Variants in CCDC169 observed in about 807,000 individuals in gnomAD.
CCDC169 encodes the protein coiled-coil domain containing 169.
CCDC169 carries 30 observed loss-of-function variants against 36.0 expected under a neutral mutation model. The observed-to-expected ratio is 0.83, with a 90% CI of 0.62 to 1.13. The LOEUF (loss-of-function observed/expected upper bound fraction) is 1.13, where lower values mean the gene tolerates loss of function less well. Ranked by LOEUF, CCDC169 falls within the 50% of genes most tolerant of loss-of-function variation. The pLI is 0.00. For missense variants in CCDC169, 245 were observed against 245.9 expected, an observed-to-expected ratio of 1.00 and a Z score of 0.03; for synonymous variants, 85 against 81.5, an observed-to-expected ratio of 1.04 and a Z score of -0.23.
chr13:36,227,099 G>T, downstream of CCDC169: 1 of 661,298 alleles, frequency 1.5e-6, no homozygotes, highest in Non-Finnish European at 2.3e-6. Flanking sequence ...AACCAGCAGA[G>T]TGGGTCCCAA....
chr13:36,239,688 G>A (rs1483494155), intron 7 of CCDC169, among the ~76,000 whole-genome samples: 1 of 152,104 alleles, frequency 6.6e-6, no homozygotes, highest in Non-Finnish European at 1.5e-5. Flanking sequence ...TTATGGGGGA[G>A]AAAATGGAAT....
intron 4 of CCDC169, among the ~76,000 whole-genome samples, chr13:36,263,693 G>A (rs1874885768): frequency 6.6e-6 from 1 of 152,106 alleles, no homozygotes; most frequent in South Asian, 2.1e-4. Context: ...TATTTCTCAG[G>A]TAGGTATTAT....
intron 4 of CCDC169, 69 bp from the exon 5 acceptor site, chr13:36,254,212 T>C: frequency 9.1e-7 from 1 of 1,103,834 alleles, no homozygotes; most frequent in East Asian, 2.7e-5. Flanking sequence ...GACCATCAAT[T>C]TCTTCACTAG....
chr13:36,279,613 T>C (rs1877253767), intron 4 of CCDC169, among the ~76,000 whole-genome samples: 1 of 152,204 alleles, frequency 6.6e-6, no homozygotes, highest in African/African-American at 2.4e-5. Flanking sequence ...TTTTATGAAG[T>C]GCCCTAGGTG....
intron 4 of CCDC169, among the ~76,000 whole-genome samples, chr13:36,262,673 T>C (rs1675197126): frequency 1.3e-5 from 2 of 152,136 alleles, no homozygotes; most frequent in African/African-American, 2.4e-5. Flanking sequence ...CAGCATAGCA[T>C]CTTTAAAGAA....
At chr13:36,228,385 G>A (rs945091227), downstream of CCDC169, among the ~76,000 whole-genome samples, 5 of 151,904 alleles carry the variant, frequency 3.3e-5, no homozygotes, top group African/African-American at 1.2e-4. Context: ...TTGATATTTT[G>A]TAATACATTT....
chr13:36,262,180 C>A (rs1228129729), intron 4 of CCDC169, among the ~76,000 whole-genome samples: 4 of 152,182 alleles, frequency 2.6e-5, no homozygotes, highest in Non-Finnish European at 5.9e-5. Flanking sequence ...CCTCTGCCAA[C>A]ACTTCAGCAC....
chr13:36,223,401 A>G (rs1338654758), downstream of CCDC169: 1 of 152,188 alleles, frequency 6.6e-6, no homozygotes, highest in East Asian at 1.9e-4. Context: ...TCCAGATAGT[A>G]ATATTTTCTG....
At position 36,240,528 on chromosome 13, in the gene CCDC169, A is replaced by T. The variant is rs1871672587; in HGVS notation, c.545+8078T>A. The T allele has an allele frequency of 3.3e-6, 3 of 907,878 alleles. No individual in the cohort carries two copies. In the South Asian group the frequency reaches 4.9e-5, roughly 15 times the overall value. 56.2% of individuals were successfully genotyped at this position (907,878 alleles called of 1,614,324 possible). ...TCTACTGTAGCTGCTTTTTAAAAAA[A>T]TCAGAATCAGAAGGATACGCCCCTA... On this transcript the variant is annotated intron_variant, in intron 7 of 7. Transcript: ENST00000239859.
At chr13:36,259,220 C>T (rs997080169) in intron 4 of CCDC169, among the ~76,000 whole-genome samples, 4 of 152,108 alleles carry the variant, frequency 2.6e-5, no homozygotes, top group East Asian at 1.9e-4. Context: ...TGACCCCTGG[C>T]GATGAGCTGA....
downstream of CCDC169, among the ~76,000 whole-genome samples, chr13:36,228,963 C>T (rs879915046): frequency 6.6e-6 from 1 of 152,196 alleles, no homozygotes; most frequent in East Asian, 1.9e-4. Flanking sequence ...TTTGCACTGA[C>T]TGGTAGAAAG....
intron 7 of CCDC169, chr13:36,240,786 A>T (rs2138418893): frequency 3.1e-6 from 1 of 320,272 alleles, no homozygotes; most frequent in African/African-American, 2.2e-5. Flanking sequence ...CGGGAATATG[A>T]TTTTTCATAG....
At chr13:36,244,335 A>T (rs1872223802) in intron 7 of CCDC169, 1 of 152,216 alleles carries the variant, frequency 6.6e-6, no homozygotes, top group African/African-American at 2.4e-5. Context: ...TCCTTCTGGG[A>T]GTCTGGAATT....
intron 4 of CCDC169, among the ~76,000 whole-genome samples, chr13:36,259,256 A>T (rs1010386328): frequency 6.6e-6 from 1 of 152,074 alleles, no homozygotes; most frequent in Non-Finnish European, 1.5e-5. Context: ...TCTCCCCCTC[A>T]GAGCCACCAT....
intron 4 of CCDC169, among the ~76,000 whole-genome samples, chr13:36,276,432 T>C (rs1876835653): frequency 6.6e-6 from 1 of 152,208 alleles, no homozygotes; most frequent in Non-Finnish European, 1.5e-5. Context: ...TTTCTACAAA[T>C]TGATCAAGAG....
intron 6 of CCDC169, among the ~76,000 whole-genome samples, chr13:36,249,951 A>AAGTC (rs1872945752): frequency 6.6e-6 from 1 of 151,500 alleles, no homozygotes; most frequent in South Asian, 2.1e-4. Context: ...CAGAAAATAG[A>AAGTC]ATTCATTCAT....
intron 4 of CCDC169, among the ~76,000 whole-genome samples, chr13:36,275,788 A>C (rs1048466577): frequency 5.9e-5 from 9 of 152,182 alleles, no homozygotes; most frequent in African/African-American, 1.9e-4. Flanking sequence ...CTAAAAGAAG[A>C]ATCTGAATCA....
At chr13:36,232,111 T>C (rs376221293) in intron 7 of CCDC169, among the ~76,000 whole-genome samples, 11 of 152,328 alleles carry the variant, frequency 7.2e-5, no homozygotes, top group Middle Eastern at 6.8e-3. Context: ...CTGAGCTTTG[T>C]AGCATTTTAA....
intron 4 of CCDC169, chr13:36,274,575 T>G (rs1876523784): frequency 6.6e-6 from 1 of 152,194 alleles, no homozygotes; most frequent in African/African-American, 2.4e-5. Context: ...TTCTACTAGA[T>G]ATTAACAACA....
Sources: allele counts gnomAD v4.1 joint callset (sites outside exome capture counted in the v4.1 genomes callset), GRCh38; gene constraint gnomAD v4.1.1; transcripts MANE v1.5; gene names NCBI Gene and HGNC (gene_info 2026-07-23, HGNC 2026-07-21).